MAP3K20: variants seen among roughly 807,000 people sequenced by gnomAD.
MAP3K20 encodes mitogen-activated protein kinase kinase kinase 20.
Under a neutral mutation model 85.7 loss-of-function variants are expected in MAP3K20, and 40 were observed. That is an observed-to-expected ratio of 0.47 (90% CI 0.36 to 0.61). MAP3K20 has a LOEUF of 0.61. Among genes scored for constraint, MAP3K20 ranks in the 20% least tolerant of loss-of-function variants. The pLI is 0.00. For synonymous variants in MAP3K20, 325 were observed against 327.7 expected (o/e 0.99, Z 0.09); for missense variants, 817 against 961.7 (o/e 0.85, Z 1.99).
intron 2 of MAP3K20, among the ~76,000 whole-genome samples, chr2:173,125,521 A>T (rs1451608925): frequency 7.0e-6 from 1 of 143,228 alleles, no homozygotes; most frequent in Non-Finnish European, 1.6e-5. Flanking sequence ...TTTTTTTTTT[A>T]AATAAAACTT....
intron 16 of MAP3K20, among the ~76,000 whole-genome samples, chr2:173,250,210 A>G (rs1685011785): frequency 6.6e-6 from 1 of 152,264 alleles, no homozygotes; most frequent in Non-Finnish European, 1.5e-5. Flanking sequence ...CCATTTAGCT[A>G]GAAGTCATTT....
chr2:173,191,447 G>A (rs1690647324), intron 7 of MAP3K20, among the ~76,000 whole-genome samples: 1 of 152,118 alleles, frequency 6.6e-6, no homozygotes, highest in African/African-American at 2.4e-5. Flanking sequence ...GTTGGGCTCC[G>A]CTTTGCCTGT....
At chr2:173,131,326 A>G (rs1192047106) in intron 2 of MAP3K20, among the ~76,000 whole-genome samples, 4 of 152,228 alleles carry the variant, frequency 2.6e-5, no homozygotes, top group Non-Finnish European at 5.9e-5. Flanking sequence ...CCATTAAACA[A>G]TGAAATGCCA....
intron 2 of MAP3K20, among the ~76,000 whole-genome samples, chr2:173,134,414 A>ATTTTTTT (rs1290040694): frequency 1.5e-3 from 9 of 6,126 alleles, no homozygotes; most frequent in Non-Finnish European, 2.6e-3. Flanking sequence ...ATATATATAT[A>ATTTTTTT]TATATATATA....
Position 173,232,181 on chromosome 2 carries a change from C to A in MAP3K20, c.1033-11C>A. Reference sequence around the variant, plus strand: ...GAATCTTCAAAACCGTATGTGTCCTCTCTTTCACAGTATTGTTGGGTTCAG... The same window carrying A: ...GAATCTTCAAAACCGTATGTGTCCTATCTTTCACAGTATTGTTGGGTTCAG... On this transcript the variant is annotated splice_polypyrimidine_tract_variant and intron_variant, in intron 12 of 19. Coordinates refer to ENST00000375213, the MANE Select transcript of MAP3K20 (RefSeq NM_016653.3). The A allele has an allele frequency of 6.2e-7, 1 of 1,614,198 alleles. No individual in the cohort carries two copies. Among genetic ancestry groups the A allele is most frequent in the East Asian group, 2.2e-5 (1 of 44,890 alleles).
At chr2:173,146,811 C>T (rs1470581812) in intron 2 of MAP3K20, among the ~76,000 whole-genome samples, 1 of 152,212 alleles carries the variant, frequency 6.6e-6, no homozygotes, top group Non-Finnish European at 1.5e-5. Flanking sequence ...TTACATTTTA[C>T]ACTCCTCCCA....
intron 16 of MAP3K20, 89 bp downstream of exon 16, chr2:173,239,585 C>A: frequency 8.8e-7 from 1 of 1,139,946 alleles, no homozygotes; most frequent in Non-Finnish European, 1.2e-6. Context: ...ACACCCCCTA[C>A]CAGCTGGTAA....
At chr2:173,226,605 T>C in intron 11 of MAP3K20, 1 of 985,858 alleles carries the variant, frequency 1.0e-6, no homozygotes, top group Non-Finnish European at 1.2e-6. Flanking sequence ...AGCCGTGTTT[T>C]CTCAGACTCC....
intron 11 of MAP3K20, chr2:173,223,980 C>T (rs1015562469): frequency 2.0e-6 from 2 of 985,442 alleles, no homozygotes; most frequent in Non-Finnish European, 2.4e-6. Flanking sequence ...ATTCATTCAA[C>T]ACATATTCAT....
chr2:173,253,430 C>G (rs76370318), intron 16 of MAP3K20, among the ~76,000 whole-genome samples: 6,403 of 152,240 alleles, frequency 0.042, 202 homozygotes, highest in South Asian at 0.1. Flanking sequence ...AGGGACAAAA[C>G]TGGAATTCAG....
intron 2 of MAP3K20, among the ~76,000 whole-genome samples, chr2:173,158,557 A>G (rs1387069810): frequency 6.6e-6 from 1 of 152,276 alleles, no homozygotes; most frequent in Non-Finnish European, 1.5e-5. Context: ...ATAAGTAAAC[A>G]AGGACAGTCG....
chr2:173,171,590 A>C (rs1170516268), intron 3 of MAP3K20, among the ~76,000 whole-genome samples: 1 of 152,228 alleles, frequency 6.6e-6, no homozygotes, highest in Non-Finnish European at 1.5e-5. Context: ...TATTTCCCCT[A>C]GGTCATCTCA....
intron 3 of MAP3K20, among the ~76,000 whole-genome samples, chr2:173,179,965 T>A (rs562666932): frequency 3.3e-5 from 5 of 152,170 alleles, no homozygotes; most frequent in Admixed American, 3.3e-4. Flanking sequence ...GCTGAGAAAA[T>A]TAAAGATCTA....
At chr2:173,076,197 G>A (rs1686852835) in intron 1 of MAP3K20, among the ~76,000 whole-genome samples, 195 bp downstream of exon 1, 1 of 151,504 alleles carries the variant, frequency 6.6e-6, no homozygotes, top group South Asian at 2.1e-4. Context: ...GAGCGGGCGG[G>A]CGAGCGAGCG....
chr2:173,220,760 CTTAAT>C (rs1051953232), intron 11 of MAP3K20, among the ~76,000 whole-genome samples: 122 of 152,254 alleles, frequency 8.0e-4, no homozygotes, highest in African/African-American at 2.5e-3. Flanking sequence ...TTAATCTCTG[CTTAAT>C]TTATTTTTTT....
chr2:173,222,189 G>A (rs1450581942), intron 11 of MAP3K20: 1 of 979,172 alleles, frequency 1.0e-6, no homozygotes, highest in African/African-American at 1.8e-5. Flanking sequence ...CTGGGCAAGA[G>A]AACAAGATCC....
At chr2:173,222,213 A>C (rs1684272260) in intron 11 of MAP3K20, 13 of 887,628 alleles carry the variant, frequency 1.5e-5, no homozygotes, top group Non-Finnish European at 1.7e-5. Flanking sequence ...CTCAAAAAAC[A>C]AAAAAAAGAA....
chr2:173,099,200 C>T (rs1687552265), intron 2 of MAP3K20, among the ~76,000 whole-genome samples: 1 of 152,066 alleles, frequency 6.6e-6, no homozygotes, highest in Non-Finnish European at 1.5e-5. Context: ...TACATGAAAC[C>T]TCAGGCCAAT....
At chr2:173,129,252 A>G (rs1239823001) in intron 2 of MAP3K20, among the ~76,000 whole-genome samples, 3 of 152,186 alleles carry the variant, frequency 2.0e-5, no homozygotes, top group Admixed American at 6.5e-5. Context: ...TCAAAGTTGT[A>G]GAAATATGTA....
Sources: allele counts gnomAD v4.1 joint callset (sites outside exome capture counted in the v4.1 genomes callset), GRCh38; gene constraint gnomAD v4.1.1; transcripts MANE v1.5; gene names NCBI Gene and HGNC (gene_info 2026-07-23, HGNC 2026-07-21).